Variants in RMDN2 observed in about 807,000 individuals in gnomAD.
The protein encoded by RMDN2 is regulator of microtubule dynamics 2.
Under a neutral mutation model 52.8 loss-of-function variants are expected in RMDN2, and 61 were observed. The ratio of observed to expected loss-of-function variants is 1.16; its 90% CI spans 0.94 to 1.43. The LOEUF (loss-of-function observed/expected upper bound fraction) is 1.43, where lower values mean the gene tolerates loss of function less well. RMDN2 is among the 40% of genes most tolerant of loss of function. The probability of loss-of-function intolerance (pLI) is 0.00; values close to 1 mark genes in which losing one functional copy is unlikely to be tolerated. For synonymous variants in RMDN2, 180 were observed against 153.1 expected (o/e 1.18, Z -1.30); for missense variants, 592 against 475.3 (o/e 1.25, Z -2.28).
At chr2:37,925,074 C>A (rs1666157228), upstream of RMDN2, among the ~76,000 whole-genome samples, 1 of 152,110 alleles carries the variant, frequency 6.6e-6, no homozygotes, top group Admixed American at 6.5e-5. Flanking sequence ...GGCCCAGAGC[C>A]CAGGCGGGGG....
At position 38,017,443 on chromosome 2, in the gene RMDN2, C is replaced by G; in HGVS notation, c.*204C>G. The G allele has an allele frequency of 8.3e-7, 1 of 1,207,866 alleles. No individual in the cohort carries two copies. The highest frequency in any genetic ancestry group is 1.1e-6 in the Non-Finnish European group (1 of 914,756). 74.8% of individuals were successfully genotyped at this position (1,207,866 alleles called of 1,614,324 possible). A position where few individuals can be genotyped will look rare whatever the true frequency, so the allele number is the denominator to read the frequency against. ...TTGGAGAATCTATATACTATAATGT[C>G]AATACATAATCTATAAACATGTATG... On this transcript the variant is annotated 3_prime_UTR_variant, in exon 11 of 11. Transcript: ENST00000354545.
chr2:38,057,718 C>A (rs993190945), intron 10 of RMDN2, among the ~76,000 whole-genome samples: 2 of 152,108 alleles, frequency 1.3e-5, no homozygotes, highest in African/African-American at 2.4e-5. Flanking sequence ...TGGTTCAGTA[C>A]CATCCCCCTT....
intron 10 of RMDN2, among the ~76,000 whole-genome samples, chr2:38,064,842 A>T (rs935942706): frequency 6.6e-6 from 1 of 152,110 alleles, no homozygotes; most frequent in Non-Finnish European, 1.5e-5. Context: ...AAAAATAAAG[A>T]GGTCATGCCA....
At chr2:38,048,906 T>C (rs1329547111) in intron 10 of RMDN2, among the ~76,000 whole-genome samples, 2 of 152,248 alleles carry the variant, frequency 1.3e-5, no homozygotes, top group Non-Finnish European at 2.9e-5. Context: ...ATGGCTTTAA[T>C]TGATTGACTA....
chr2:37,948,493 T>C (rs1259747443), intron 2 of RMDN2, among the ~76,000 whole-genome samples: 1 of 151,982 alleles, frequency 6.6e-6, no homozygotes, highest in African/African-American at 2.4e-5. Flanking sequence ...CCTGGGGTCA[T>C]GGAATTGATA....
intron 2 of RMDN2, among the ~76,000 whole-genome samples, chr2:37,961,342 G>C (rs1443105546): frequency 6.6e-6 from 1 of 151,774 alleles, no homozygotes; most frequent in Non-Finnish European, 1.5e-5. Context: ...ACGTAGGTTT[G>C]GTCTTTTCAC....
At chr2:37,939,527 AG>A (rs1220358754) in intron 2 of RMDN2, among the ~76,000 whole-genome samples, 1 of 152,094 alleles carries the variant, frequency 6.6e-6, no homozygotes, top group Non-Finnish European at 1.5e-5. Flanking sequence ...TGGGAGTCTA[AG>A]TCTCTTTGTA....
At chr2:37,963,624 A>G (rs996826140) in intron 2 of RMDN2, among the ~76,000 whole-genome samples, 2 of 152,212 alleles carry the variant, frequency 1.3e-5, no homozygotes, top group African/African-American at 4.8e-5. Context: ...CAGAGAGCAC[A>G]GGGTTGGGGG....
intron 4 of RMDN2, among the ~76,000 whole-genome samples, chr2:37,978,594 G>C (rs1395986428): frequency 1.3e-5 from 2 of 152,076 alleles, no homozygotes; most frequent in Non-Finnish European, 2.9e-5. Context: ...GGGAGGCCAA[G>C]GCGGGCAGAT....
At chr2:38,047,753 A>T (rs539268497) in intron 10 of RMDN2, among the ~76,000 whole-genome samples, 15 of 152,346 alleles carry the variant, frequency 9.8e-5, no homozygotes, top group African/African-American at 3.4e-4. Context: ...CTCTCCCATG[A>T]CGGTTAACTG....
intron 10 of RMDN2, chr2:38,066,954 A>T: frequency 6.2e-7 from 1 of 1,613,218 alleles, no homozygotes; most frequent in Middle Eastern, 1.7e-4. Context: ...TGCAATTTTT[A>T]CTTCTTTTCC....
At chr2:38,000,786 C>A (rs2373330) in intron 8 of RMDN2, among the ~76,000 whole-genome samples, 87,987 of 152,156 alleles carry the variant, frequency 0.58, 26,814 homozygotes, top group East Asian at 0.89. Flanking sequence ...TGCTATTTTG[C>A]ATAAAGCTTC....
At chr2:37,928,611 C>T (rs990072913) in intron 1 of RMDN2, 3 of 152,224 alleles carry the variant, frequency 2.0e-5, no homozygotes, top group African/African-American at 4.8e-5. Flanking sequence ...ATCTACCCAC[C>T]TATTTAAATC....
intron 5 of RMDN2, among the ~76,000 whole-genome samples, chr2:37,987,672 A>G (rs1270530078): frequency 6.6e-6 from 1 of 152,242 alleles, no homozygotes; most frequent in Non-Finnish European, 1.5e-5. Flanking sequence ...AGTACAAACC[A>G]TATTGTAAAC....
intron 5 of RMDN2, among the ~76,000 whole-genome samples, chr2:37,988,378 C>T (rs1181470482): frequency 1.3e-5 from 2 of 152,004 alleles, no homozygotes; most frequent in African/African-American, 4.8e-5. Context: ...TAGTTAAGTT[C>T]TGAGGTTGTT....
intron 2 of RMDN2, among the ~76,000 whole-genome samples, chr2:37,941,959 A>G (rs995218596): frequency 3.0e-5 from 4 of 135,270 alleles, no homozygotes; most frequent in East Asian, 2.2e-4. Flanking sequence ...AAAAAAAAAA[A>G]TTCCTGCAGC....
chr2:37,983,528 G>C (rs1673604254), intron 5 of RMDN2, among the ~76,000 whole-genome samples: 1 of 151,700 alleles, frequency 6.6e-6, no homozygotes, highest in Non-Finnish European at 1.5e-5. Flanking sequence ...TATCAGTTTT[G>C]AATTAAAAAA....
At chr2:38,040,580 T>A (rs72787074) in intron 10 of RMDN2, among the ~76,000 whole-genome samples, 11,516 of 152,296 alleles carry the variant, frequency 0.076, 628 homozygotes, top group Non-Finnish European at 0.12. Flanking sequence ...CATAAATTTA[T>A]GTTGTTTATA....
At chr2:37,954,615 G>A (rs1370689850) in intron 2 of RMDN2, among the ~76,000 whole-genome samples, 1 of 151,954 alleles carries the variant, frequency 6.6e-6, no homozygotes, top group Non-Finnish European at 1.5e-5. Context: ...CTTTGTAGTA[G>A]GTTTGAAAAT....
Sources: allele counts gnomAD v4.1 joint callset (sites outside exome capture counted in the v4.1 genomes callset), GRCh38; gene constraint gnomAD v4.1.1; transcripts MANE v1.5; gene names NCBI Gene and HGNC (gene_info 2026-07-23, HGNC 2026-07-21).